GPC6: variants seen among roughly 807,000 people sequenced by gnomAD.
GPC6 encodes glypican-6.
GPC6 carries 14 observed loss-of-function variants against 55.2 expected under a neutral mutation model. The observed-to-expected ratio is 0.25, with a 90% CI of 0.17 to 0.40. The LOEUF (loss-of-function observed/expected upper bound fraction) is 0.40. Among genes scored for constraint, GPC6 ranks in the 10% least tolerant of loss-of-function variants. GPC6 has a pLI of 1.00. For synonymous variants in GPC6, 278 were observed against 259.6 expected, an observed-to-expected ratio of 1.07 and a Z score of -0.68; for missense variants, 641 against 708.5, an observed-to-expected ratio of 0.90 and a Z score of 1.08.
intron 4 of GPC6, among the ~76,000 whole-genome samples, chr13:94,039,379 A>G (rs942760390): frequency 1.7e-4 from 26 of 151,948 alleles, no homozygotes; most frequent in African/African-American, 6.3e-4. Flanking sequence ...AGCATGGCAC[A>G]AAAGGAGAAA....
At chr13:93,539,770 C>A (rs1464671865) in intron 1 of GPC6, among the ~76,000 whole-genome samples, 2 of 151,018 alleles carry the variant, frequency 1.3e-5, no homozygotes, top group Non-Finnish European at 1.5e-5. Context: ...CAGCTCACTG[C>A]AGCCTCAGCC....
At chr13:93,979,474 T>C (rs904253709) in intron 3 of GPC6, among the ~76,000 whole-genome samples, 5 of 151,994 alleles carry the variant, frequency 3.3e-5, no homozygotes, top group African/African-American at 1.2e-4. Flanking sequence ...CCTGGCGCAC[T>C]GTATTAATAA....
At chr13:93,353,954 T>C (rs7990402) in intron 1 of GPC6, among the ~76,000 whole-genome samples, 49,655 of 152,104 alleles carry the variant, frequency 0.33, 9,395 homozygotes, top group East Asian at 0.79. Context: ...GTGTGTTTTT[T>C]TGATAGATAA....
intron 4 of GPC6, among the ~76,000 whole-genome samples, chr13:94,061,095 G>A (rs1405006005): frequency 6.6e-6 from 1 of 152,150 alleles, no homozygotes; most frequent in Non-Finnish European, 1.5e-5. Flanking sequence ...AAATATGTAA[G>A]CAATGGAGCA....
chr13:94,057,549 T>A (rs2138762772), intron 4 of GPC6, among the ~76,000 whole-genome samples: 1 of 152,320 alleles, frequency 6.6e-6, no homozygotes, highest in South Asian at 2.1e-4. Context: ...AAAATCTCTA[T>A]TTCTTTTAAC....
chr13:93,363,117 G>GTTTTTTTTTTTTTTTTTTTTT (rs199840187), intron 1 of GPC6, among the ~76,000 whole-genome samples: 3 of 126,010 alleles, frequency 2.4e-5, no homozygotes, highest in African/African-American at 6.3e-5. Flanking sequence ...CTTTTTTTTT[G>GTTTTTTTTTTTTTTTTTTTTT]TTTTTTTTTT....
chr13:93,773,933 AT>A (rs1312052921), intron 2 of GPC6, among the ~76,000 whole-genome samples: 7 of 152,172 alleles, frequency 4.6e-5, no homozygotes, highest in African/African-American at 1.7e-4. Flanking sequence ...AATAGACATC[AT>A]TTTGCCATGC....
intron 1 of GPC6, among the ~76,000 whole-genome samples, chr13:93,445,694 TA>T (rs1877974117): frequency 6.6e-6 from 1 of 152,244 alleles, no homozygotes; most frequent in Admixed American, 6.5e-5. Flanking sequence ...GTGAACTTGT[TA>T]ATGGGATCTT....
intron 1 of GPC6, among the ~76,000 whole-genome samples, chr13:93,388,547 T>C (rs1875492099): frequency 6.6e-6 from 1 of 152,160 alleles, no homozygotes; most frequent in Non-Finnish European, 1.5e-5. Flanking sequence ...CAGACTAAGG[T>C]CACCAATTAA....
At chr13:93,498,366 C>A (rs1253961965) in intron 1 of GPC6, among the ~76,000 whole-genome samples, 1 of 152,192 alleles carries the variant, frequency 6.6e-6, no homozygotes, top group Non-Finnish European at 1.5e-5. Flanking sequence ...TGAGGGTGAA[C>A]TGTCTGATTT....
intron 5 of GPC6, among the ~76,000 whole-genome samples, chr13:94,293,770 G>A (rs72632653): frequency 0.041 from 6,312 of 152,190 alleles, 252 homozygotes; most frequent in East Asian, 0.18. Context: ...GTGGTGTAAC[G>A]GGGATTGCAG....
intron 3 of GPC6, among the ~76,000 whole-genome samples, chr13:93,861,406 G>GT (rs1888805707): frequency 8.1e-6 from 1 of 123,264 alleles, no homozygotes; most frequent in African/African-American, 3.3e-5. Flanking sequence ...AGTTGTATAT[G>GT]TAAAAAAAAA....
At chr13:93,928,369 A>G (rs942563591) in intron 3 of GPC6, among the ~76,000 whole-genome samples, 1 of 152,214 alleles carries the variant, frequency 6.6e-6, no homozygotes, top group Non-Finnish European at 1.5e-5. Flanking sequence ...ATTTATATAA[A>G]GCATAGCTCT....
chr13:93,511,350 T>C (rs4439616), intron 1 of GPC6, among the ~76,000 whole-genome samples: 126,315 of 151,438 alleles, frequency 0.83, 53,745 homozygotes, highest in Non-Finnish European at 0.92. Flanking sequence ...TTATTTTGAG[T>C]TGATTTTTGT....
chr13:93,369,515 T>C (rs1368797981), intron 1 of GPC6, among the ~76,000 whole-genome samples: 2 of 152,090 alleles, frequency 1.3e-5, no homozygotes, highest in Non-Finnish European at 2.9e-5. Context: ...AAAGAAAAAA[T>C]GGAGTTTTTG....
chr13:93,845,007 T>A (rs1276029151), intron 3 of GPC6, among the ~76,000 whole-genome samples: 2 of 152,038 alleles, frequency 1.3e-5, no homozygotes, highest in African/African-American at 4.8e-5. Flanking sequence ...GATCTATATC[T>A]CTGTTTTGGT....
intron 3 of GPC6, among the ~76,000 whole-genome samples, chr13:93,879,896 T>C (rs2140308803): frequency 6.6e-6 from 1 of 151,464 alleles, no homozygotes; most frequent in Non-Finnish European, 1.5e-5. Context: ...CATCAAAAAG[T>C]GGGCGAAGGA....
chr13:93,315,226 G>A (rs1879208040), intron 1 of GPC6, among the ~76,000 whole-genome samples: 2 of 151,992 alleles, frequency 1.3e-5, no homozygotes, highest in African/African-American at 2.4e-5. Context: ...AAAGAGATAT[G>A]TTGTTTGTTA....
At chr13:93,877,003 G>A (rs1874631439) in intron 3 of GPC6, among the ~76,000 whole-genome samples, 1 of 152,038 alleles carries the variant, frequency 6.6e-6, no homozygotes, top group South Asian at 2.1e-4. Flanking sequence ...AAACTCTGTA[G>A]TTAAGGTGAA....
Sources: gnomAD v4.1 joint callset for allele counts (sites outside exome capture counted in the v4.1 genomes callset) on GRCh38, gnomAD v4.1.1 for gene constraint, MANE v1.5 for transcripts, NCBI Gene and HGNC (gene_info 2026-07-23, HGNC 2026-07-21) for gene names.